Variants in ZNF875 observed in about 807,000 individuals in gnomAD.
ZNF875 encodes zinc finger protein 875.
A neutral mutation model predicts 11.2 loss-of-function variants in ZNF875; 14 were observed. The observed-to-expected ratio is 1.26, with a 90% CI of 0.83 to 1.96. The LOEUF is 1.96. Ranked by LOEUF, ZNF875 falls within the 30% of genes most tolerant of loss-of-function variation. The probability of loss-of-function intolerance (pLI) is 0.00; values close to 1 mark genes in which losing one functional copy is unlikely to be tolerated. For missense variants in ZNF875, 752 were observed against 760.4 expected (o/e 0.99, Z 0.13); for synonymous variants, 301 against 281.1 (o/e 1.07, Z -0.71).
At chr19:37,321,787 G>A (rs2031517155) in intron 1 of ZNF875, among the ~76,000 whole-genome samples, 1 of 152,136 alleles carries the variant, frequency 6.6e-6, no homozygotes, top group African/African-American at 2.4e-5. Flanking sequence ...CCAGGATCGG[G>A]GAGAGAGGAC....
intron 1 of ZNF875, 188 bp from the exon 2 acceptor site, chr19:37,334,981 T>C (rs2034019462): frequency 1.9e-6 from 1 of 523,320 alleles, no homozygotes; most frequent in Admixed American, 2.9e-5. Flanking sequence ...TCACTCCCTG[T>C]CCCGAGCTTG....
At chr19:37,362,000 T>C in intron 4 of ZNF875, 109 bp from the exon 5 acceptor site, 7 of 682,374 alleles carry the variant, frequency 1.0e-5, no homozygotes, top group South Asian at 3.7e-5. Flanking sequence ...AACTGGGAGA[T>C]AGCTTGTGAT....
At chr19:37,338,833 T>C (rs750946173) in intron 2 of ZNF875, among the ~76,000 whole-genome samples, 3 of 152,160 alleles carry the variant, frequency 2.0e-5, no homozygotes, top group Non-Finnish European at 4.4e-5. Flanking sequence ...GAGCGTTGGG[T>C]AGAATTTCCA....
chr19:37,319,476 G>A (rs181204870), intron 1 of ZNF875, among the ~76,000 whole-genome samples: 3 of 151,464 alleles, frequency 2.0e-5, no homozygotes, highest in East Asian at 3.9e-4. Flanking sequence ...ACCTATAGGC[G>A]GCAGGTCTCT....
At chr19:37,350,501 T>C (rs1321560873) in intron 4 of ZNF875, among the ~76,000 whole-genome samples, 1 of 152,176 alleles carries the variant, frequency 6.6e-6, no homozygotes, top group Non-Finnish European at 1.5e-5. Context: ...TAATATCTTA[T>C]ATAACCACAG....
Position 37,363,741 on chromosome 19 carries a change from A to T in ZNF875, c.1889A>T (p.Asn630Ile). The T allele has an allele frequency of 1.2e-6, 2 of 1,613,856 alleles. No individual in the cohort carries two copies. Among genetic ancestry groups the T allele is most frequent in the Non-Finnish European group, 1.7e-6 (2 of 1,179,926 alleles). Residue 630 changes from asparagine (N) to isoleucine (I), a missense_variant, in exon 5 of 5, where the codon AAC becomes ATC. Transcript: ENST00000392153. ...GGACGGGGCTTTAGTCGGAAGTCCA[A>T]CCTTATCAGACATCAGAGGACACAC... ...KCGRGFSRKS[N>I]LIRHQRTHSG
At chr19:37,358,133 C>CTTTTGTT (rs2039241251) in intron 4 of ZNF875, 1 of 85,030 alleles carries the variant, frequency 1.2e-5, no homozygotes, top group African/African-American at 5.2e-5. Flanking sequence ...TTAAGATGAT[C>CTTTTGTT]TTTTTTTTTT....
chr19:37,319,834 C>T (rs924960316), intron 1 of ZNF875, among the ~76,000 whole-genome samples: 4 of 152,180 alleles, frequency 2.6e-5, no homozygotes, highest in African/African-American at 9.7e-5. Flanking sequence ...AACCTCAGCT[C>T]TTTCATGAGC....
chr19:37,321,649 C>T lies in ZNF875; in HGVS notation c.-746-536C>T, dbSNP rs887776980. ...TTCCCGTCCCACCCGACAAGAAACA[C>T]CCTCAGGTGTGGAGGGGCAGGCCAT... On this transcript the variant is annotated intron_variant, in intron 1 of 5. Transcript: ENST00000544914. 4.7e-4 allele frequency among the ~76,000 whole-genome samples: 72 copies of T among 152,168 alleles called. 2 individuals carry two copies. Among genetic ancestry groups the T allele is most frequent in the Admixed American group, 4.1e-3 (62 of 15,268 alleles).
At position 37,363,752 on chromosome 19, in the gene ZNF875, C is replaced by T; in HGVS notation, c.1900C>T (p.His634Tyr). 6.2e-7 allele frequency: 1 copy of T among 1,613,994 alleles called. No individual in the cohort carries two copies. The highest frequency in any genetic ancestry group is 1.1e-5 in the South Asian group (1 of 91,050). Residue 634 changes from histidine to tyrosine, a missense_variant, in exon 5 of 5, where the codon CAT becomes TAT. Transcript: ENST00000392153. ...GFSRKSNLIR[H>Y]QRTHSG ...TAGTCGGAAGTCCAACCTTATCAGA[C>T]ATCAGAGGACACACTCAGGATAGAA...
intron 2 of ZNF875, among the ~76,000 whole-genome samples, chr19:37,335,931 G>C (rs544149678): frequency 1.7e-4 from 26 of 152,284 alleles, no homozygotes; most frequent in African/African-American, 5.3e-4. Flanking sequence ...CTGGAAGAGT[G>C]CCTCGTTCTA....
At chr19:37,350,852 T>C (rs1407564339) in intron 4 of ZNF875, among the ~76,000 whole-genome samples, 2 of 145,288 alleles carry the variant, frequency 1.4e-5, no homozygotes, top group African/African-American at 5.1e-5. Context: ...TCCCCCAGGC[T>C]GGAGTGCAGT....
intron 4 of ZNF875, chr19:37,328,483 G>A (rs2032875429): frequency 6.6e-6 from 1 of 152,140 alleles, no homozygotes; most frequent in South Asian, 2.1e-4. Flanking sequence ...CTTGGGAGGG[G>A]GTTCCTGATA....
intron 4 of ZNF875, among the ~76,000 whole-genome samples, chr19:37,353,189 A>G (rs935959098): frequency 6.6e-6 from 1 of 152,056 alleles, no homozygotes; most frequent in African/African-American, 2.4e-5. Context: ...TTCGATCTTC[A>G]TGTTAATTTC....
chr19:37,335,043 T>C (rs2034047381), intron 1 of ZNF875, 126 bp from the exon 2 acceptor site: 1 of 575,194 alleles, frequency 1.7e-6, no homozygotes, highest in African/African-American at 1.9e-5. Flanking sequence ...TGGATGGGAA[T>C]TGGCTGCTCT....
At chr19:37,320,696 A>G (rs2031240152) in intron 1 of ZNF875, among the ~76,000 whole-genome samples, 2 of 152,134 alleles carry the variant, frequency 1.3e-5, no homozygotes, top group African/African-American at 4.8e-5. Context: ...CACATCTGAT[A>G]CCTGGCTTGG....
intron 2 of ZNF875, 127 bp from the exon 3 acceptor site, chr19:37,347,063 C>T: frequency 8.2e-7 from 1 of 1,225,270 alleles, no homozygotes; most frequent in South Asian, 1.3e-5. Context: ...GTGATCCGCC[C>T]ACCTTGGCCT....
At chr19:37,342,218 CT>C (rs1400181500) in intron 2 of ZNF875, among the ~76,000 whole-genome samples, 2 of 152,122 alleles carry the variant, frequency 1.3e-5, no homozygotes, top group African/African-American at 4.8e-5. Context: ...GAACTTTACT[CT>C]GAGTTTATTT....
Position 37,363,342 on chromosome 19 carries a change from A to G in ZNF875, c.1490A>G (p.Gln497Arg). Residue 497 changes from glutamine (Q) to arginine (R), a missense_variant, in exon 5 of 5, where the codon CAG becomes CGG. By Grantham distance (43) the Gln-to-Arg change is conservative. Transcript: ENST00000392153. ...FTRKSTLSTHQRTHSGEKPFV... is the reference protein window; with the variant it reads ...FTRKSTLSTHRRTHSGEKPFV... Reference sequence around the variant, plus strand: ...CGGAAATCAACCCTGAGCACGCACCAGAGGACACACTCAGGGGAGAAGCCA... The same window carrying G: ...CGGAAATCAACCCTGAGCACGCACCGGAGGACACACTCAGGGGAGAAGCCA... 1 of 1,610,998 alleles carries G rather than the reference A, an allele frequency of 6.2e-7. No individual in the cohort carries two copies. The highest frequency in any genetic ancestry group is 8.5e-7 in the Non-Finnish European group (1 of 1,177,906).
Sources: allele counts gnomAD v4.1 joint callset (sites outside exome capture counted in the v4.1 genomes callset), GRCh38; gene constraint gnomAD v4.1.1; transcripts MANE v1.5; gene names NCBI Gene and HGNC (gene_info 2026-07-23, HGNC 2026-07-21).